Variants in DPM1 observed in about 807,000 individuals in gnomAD.
The protein encoded by DPM1 is dolichyl-phosphate mannosyltransferase subunit 1, catalytic, also known as dolichol-phosphate mannosyltransferase subunit 1.
In DPM1, 27 loss-of-function variants were observed where a neutral mutation model predicts 39.0. The observed-to-expected ratio is 0.69, with a 90% CI of 0.51 to 0.95. The LOEUF is 0.95. Among genes scored for constraint, DPM1 ranks in the 40% least tolerant of loss-of-function variants. The probability of loss-of-function intolerance (pLI) is 0.00; values close to 1 mark genes in which losing one functional copy is unlikely to be tolerated. For synonymous variants in DPM1, 124 were observed against 109.0 expected (o/e 1.14, Z -0.86); for missense variants, 307 against 315.6 (o/e 0.97, Z 0.21).
intron 5 of DPM1, among the ~76,000 whole-genome samples, chr20:50,943,287 C>A (rs1398832540): frequency 6.6e-6 from 1 of 152,244 alleles, no homozygotes; most frequent in Non-Finnish European, 1.5e-5. Context: ...TCAACTCACA[C>A]ACCTCTGTGG....
chr20:50,940,473 A>G (rs187500968), intron 7 of DPM1, among the ~76,000 whole-genome samples: 4 of 152,330 alleles, frequency 2.6e-5, no homozygotes, highest in Admixed American at 1.3e-4. Context: ...TATGGAGAAC[A>G]AGGTAACTGA....
chr20:50,952,968 C>T (rs1986656040), intron 2 of DPM1, among the ~76,000 whole-genome samples: 1 of 152,156 alleles, frequency 6.6e-6, no homozygotes, highest in Admixed American at 6.5e-5. Flanking sequence ...AACTTGCCCC[C>T]AAGGGTAACT....
At chr20:50,955,481 C>T (rs1288098066) in intron 1 of DPM1, among the ~76,000 whole-genome samples, 196 bp from the exon 2 acceptor site, 1 of 152,216 alleles carries the variant, frequency 6.6e-6, no homozygotes, top group Non-Finnish European at 1.5e-5. Flanking sequence ...GTTGCTGAAA[C>T]ATGCTAATGT....
chr20:50,949,343 ATGTT>A (rs1308853813), intron 2 of DPM1, among the ~76,000 whole-genome samples: 1 of 152,050 alleles, frequency 6.6e-6, no homozygotes, highest in Non-Finnish European at 1.5e-5. Flanking sequence ...GGGAAATCTG[ATGTT>A]TGTTCTCTCG....
intron 8 of DPM1, among the ~76,000 whole-genome samples, chr20:50,935,798 T>C (rs748674642): frequency 2.0e-5 from 3 of 152,146 alleles, no homozygotes; most frequent in Non-Finnish European, 4.4e-5. Flanking sequence ...GAAATGGACA[T>C]ATGGAACTCA....
rs1986952207 is a variant in DPM1, at chr20:50,958,352, T to C, written c.161+11A>G. The stretch of plus-strand genomic sequence containing the variant: ...ATCTCATTCTTCGGGGAGGGAGACC[T>C]GGTGCGCTACCTCTCGGAGAAGCTT... On this transcript the variant is annotated intron_variant, in intron 1 of 8. Transcript: ENST00000371588. 1 of 1,612,860 alleles carries C rather than the reference T, an allele frequency of 6.2e-7. No homozygotes were observed.
In DPM1 at chr20:50,955,216, C is replaced by T; in HGVS notation, c.231G>A (p.Gln77=). ...SPDGTRDVAE[Q]LEKIYGSDRI... ...TGTCTGACCCATAGATCTTCTCCAA[C>T]TGTTCAGCAACATCCCTTGTTCCAT... is the stretch of plus-strand genomic sequence containing the variant. Residue 77 remains glutamine (Q), a synonymous_variant, in exon 2 of 9, where the codon CAG becomes CAA. Transcript: ENST00000371588. 6.2e-7 allele frequency: 1 copy of T among 1,613,110 alleles called. No homozygotes were observed. The highest frequency in any genetic ancestry group is 1.1e-5 in the South Asian group (1 of 91,072).
At chr20:50,958,334 T>C (rs751897921) in intron 1 of DPM1, 29 bp downstream of exon 1, 1 of 1,610,674 alleles carries the variant, frequency 6.2e-7, no homozygotes, top group South Asian at 1.1e-5. Context: ...CTCATCTCAT[T>C]CTTCGGGGAG....
Sources: allele counts gnomAD v4.1 joint callset (sites outside exome capture counted in the v4.1 genomes callset), GRCh38; gene constraint gnomAD v4.1.1; transcripts MANE v1.5; gene names NCBI Gene and HGNC (gene_info 2026-07-23, HGNC 2026-07-21).